The following VWA8 variants were observed in gnomAD, a reference collection of about 807,000 sequenced individuals.
The protein encoded by VWA8 is von Willebrand factor A domain containing 8.
A neutral mutation model predicts 241.5 loss-of-function variants in VWA8; 221 were observed. That is an observed-to-expected ratio of 0.91 (90% confidence interval 0.82 to 1.02). The LOEUF is 1.02. Ranked by LOEUF, VWA8 falls within the 50% of genes least tolerant of loss-of-function variation. VWA8 has a pLI of 0.00. For missense variants in VWA8, 2,322 were observed against 2,328.7 expected (o/e 1.00, Z 0.06); for synonymous variants, 852 against 827.1 (o/e 1.03, Z -0.52).
chr13:41,680,921 G>A (rs997182181), intron 35 of VWA8, among the ~76,000 whole-genome samples: 2 of 152,174 alleles, frequency 1.3e-5, no homozygotes, highest in Non-Finnish European at 2.9e-5. Flanking sequence ...CAGTATGGAT[G>A]ATGACAAAGG....
intron 14 of VWA8, among the ~76,000 whole-genome samples, chr13:41,827,997 G>A (rs546852340): frequency 2.8e-4 from 42 of 152,260 alleles, no homozygotes; most frequent in African/African-American, 1.0e-3. Context: ...TCCATGACCC[G>A]TGATTCACAT....
intron 2 of VWA8, among the ~76,000 whole-genome samples, chr13:41,924,251 C>T (rs956479623): frequency 1.3e-5 from 2 of 151,856 alleles, no homozygotes; most frequent in African/African-American, 4.8e-5. Context: ...CTGGAGAATG[C>T]AGTCAATGAA....
rs1241165360 is a variant in VWA8, at chr13:41,590,762, T to C, written c.4990A>G (p.Lys1664Glu). ...LRIILDNLQA[K>E]GKERQWLRHQ... ...CTTAGCCATTGTCTTTCTTTACCTT[T>C]AGCCTACAAAAGACACACATACACA... is the stretch of plus-strand genomic sequence containing the variant. Residue 1664 changes from lysine (K) to glutamate (E), a missense_variant, in exon 41 of 45, where the codon AAA (lysine) becomes GAA (glutamate). Coordinates refer to ENST00000379310, the MANE Select transcript of VWA8 (RefSeq NM_015058.2). 6 of 1,613,976 alleles carry C rather than the reference T, an allele frequency of 3.7e-6. No homozygotes were observed. Among genetic ancestry groups the C allele is most frequent in the Non-Finnish European group, 5.1e-6 (6 of 1,179,924 alleles).
chr13:41,589,566 G>A (rs184996120), intron 41 of VWA8, among the ~76,000 whole-genome samples: 2 of 152,166 alleles, frequency 1.3e-5, no homozygotes, highest in Admixed American at 1.3e-4. Context: ...GCAGCATCAA[G>A]GTCTCACTGA....
At chr13:41,688,297 C>A (rs1037348489) in intron 34 of VWA8, among the ~76,000 whole-genome samples, 1 of 152,004 alleles carries the variant, frequency 6.6e-6, no homozygotes, top group Admixed American at 6.6e-5. Context: ...AATTGGAGTA[C>A]CGTCAAGCAG....
intron 3 of VWA8, 38 bp from the exon 4 acceptor site, chr13:41,907,734 T>A (rs1310655780): frequency 1.3e-6 from 2 of 1,574,886 alleles, no homozygotes; most frequent in Admixed American, 3.3e-5. Flanking sequence ...AAAAATAAAA[T>A]CAAATTTCCA....
intron 2 of VWA8, among the ~76,000 whole-genome samples, chr13:41,920,486 C>A (rs1386757516): frequency 1.3e-5 from 2 of 151,986 alleles, no homozygotes; most frequent in Admixed American, 1.3e-4. Flanking sequence ...TCAAAAAAAT[C>A]AATGAATCCA....
intron 2 of VWA8, among the ~76,000 whole-genome samples, chr13:41,929,781 T>C (rs144720990): frequency 3.9e-5 from 6 of 152,142 alleles, no homozygotes; most frequent in Non-Finnish European, 8.8e-5. Context: ...ACCTGAAATA[T>C]AAAATTCCTA....
At chr13:41,856,034 A>C (rs774288708) in intron 12 of VWA8, among the ~76,000 whole-genome samples, 2 of 152,210 alleles carry the variant, frequency 1.3e-5, no homozygotes, top group Non-Finnish European at 2.9e-5. Context: ...TTCTGTTCTC[A>C]TTCAAAAATC....
chr13:41,853,213 C>A (rs1397421536), intron 12 of VWA8, among the ~76,000 whole-genome samples: 1 of 152,216 alleles, frequency 6.6e-6, no homozygotes, highest in East Asian at 1.9e-4. Context: ...TGACTTGTTC[C>A]AGATCTTAGA....
chr13:41,855,387 T>C (rs1872707714), intron 12 of VWA8, among the ~76,000 whole-genome samples: 1 of 145,530 alleles, frequency 6.9e-6, no homozygotes, highest in African/African-American at 2.5e-5. Context: ...AAAATATATT[T>C]ATATATAAAT....
At chr13:41,881,428 G>C (rs1357237053) in intron 9 of VWA8, among the ~76,000 whole-genome samples, 2 of 109,276 alleles carry the variant, frequency 1.8e-5, no homozygotes, top group African/African-American at 3.4e-5. Context: ...ATTTTTCTTA[G>C]TACAGAACAA....
At position 41,762,845 on chromosome 13, in the gene VWA8, C is replaced by T. The variant is rs183850942; in HGVS notation, c.2350-1641G>A. The stretch of plus-strand genomic sequence containing the variant: ...GAGCTCAGCACAGTGCCTGAGAGTG[C>T]GTTCAATAAATATTTGTCAAGTGAA... On this transcript the variant is annotated intron_variant, in intron 20 of 44. Coordinates refer to ENST00000379310, the MANE Select transcript of VWA8 (RefSeq NM_015058.2). Among the ~76,000 whole-genome samples, 654 of 152,024 alleles carry T rather than the reference C, an allele frequency of 4.3e-3. 3 individuals are homozygous for T. Among genetic ancestry groups the T allele is most frequent in the South Asian group, 0.013 (64 of 4,822 alleles).
At chr13:41,720,256 A>T (rs945921318) in intron 25 of VWA8, among the ~76,000 whole-genome samples, 2 of 152,152 alleles carry the variant, frequency 1.3e-5, no homozygotes, top group African/African-American at 4.8e-5. Context: ...AAGTATGACT[A>T]CAACTGAATT....
chr13:41,799,712 T>C (rs1869862062), intron 17 of VWA8, among the ~76,000 whole-genome samples: 2 of 152,204 alleles, frequency 1.3e-5, no homozygotes, highest in Admixed American at 1.3e-4. Context: ...ATATCATTAT[T>C]ATTCTCCTTA....
chr13:41,756,382 GGC>G (rs1244902644), intron 21 of VWA8, among the ~76,000 whole-genome samples: 16 of 151,574 alleles, frequency 1.1e-4, no homozygotes, highest in Non-Finnish European at 2.2e-4. Context: ...AATTGACTGA[GGC>G]AGTTCAGCCT....
chr13:41,663,855 C>T (rs1289683541), intron 37 of VWA8, among the ~76,000 whole-genome samples: 9 of 151,110 alleles, frequency 6.0e-5, no homozygotes, highest in African/African-American at 1.7e-4. Context: ...ATTGAACCGT[C>T]GTTAAGTCGG....
At position 41,902,584 on chromosome 13, in the gene VWA8, A is replaced by G. The variant is rs115302070; in HGVS notation, c.483+5002T>C. On this transcript the variant is annotated intron_variant, in intron 4 of 44. Coordinates refer to ENST00000379310, the MANE Select transcript of VWA8 (RefSeq NM_015058.2). ...CTTGCACATATCAATCATTCAATAT[A>G]TATTTGTTAATAAATACAAATATTA... Among the ~76,000 whole-genome samples, 555 of 152,358 alleles carry G rather than the reference A, an allele frequency of 3.6e-3. 2 individuals carry two copies. Among genetic ancestry groups the G allele is most frequent in the African/African-American group, 0.013 (523 of 41,586 alleles).
chr13:41,853,232 T>C (rs1872594964), intron 12 of VWA8, among the ~76,000 whole-genome samples: 1 of 152,166 alleles, frequency 6.6e-6, no homozygotes. Context: ...GAGGAAAAGC[T>C]TTCAGCTTTT....
Sources: allele counts gnomAD v4.1 joint callset (sites outside exome capture counted in the v4.1 genomes callset), GRCh38; gene constraint gnomAD v4.1.1; transcripts MANE v1.5; gene names NCBI Gene and HGNC (gene_info 2026-07-23, HGNC 2026-07-21).